The following GALNTL6 variants were observed in gnomAD, a reference collection of about 807,000 sequenced individuals.
The protein encoded by GALNTL6 is polypeptide N-acetylgalactosaminyltransferase-like 6.
GALNTL6 carries 46 observed loss-of-function variants against 73.7 expected under a neutral mutation model. The ratio of observed to expected loss-of-function variants is 0.62; its 90% CI spans 0.49 to 0.80. The LOEUF is 0.80. Ranked by LOEUF, GALNTL6 falls within the 30% of genes least tolerant of loss-of-function variation. The pLI is 0.00. For missense variants in GALNTL6, 604 were observed against 755.0 expected (o/e 0.80, Z 2.34); for synonymous variants, 259 against 263.7 (o/e 0.98, Z 0.17).
chr4:172,552,986 A>G lies in GALNTL6; in HGVS notation c.553+204297A>G, dbSNP rs374715046. Among the ~76,000 whole-genome samples, 22 of 152,230 alleles carry G rather than the reference A, an allele frequency of 1.4e-4. No homozygotes were observed. In the East Asian group the frequency reaches 1.7e-3, roughly 12 times the overall value. The stretch of plus-strand genomic sequence containing the variant: ...ATACACATCACCAAAGTGTATAGCT[A>G]TAGTGTATTTTATATACCCAAGTGT... On this transcript the variant is annotated intron_variant, in intron 5 of 12. Coordinates refer to ENST00000506823, the MANE Select transcript of GALNTL6 (RefSeq NM_001034845.3).
chr4:172,554,181 A>C (rs960351736), intron 5 of GALNTL6, among the ~76,000 whole-genome samples: 5 of 152,194 alleles, frequency 3.3e-5, no homozygotes, highest in South Asian at 4.1e-4. Flanking sequence ...TGACCCATGG[A>C]TTCTTTCAAT....
chr4:172,485,478 G>A (rs1733633630), intron 5 of GALNTL6, among the ~76,000 whole-genome samples: 1 of 151,982 alleles, frequency 6.6e-6, no homozygotes, highest in African/African-American at 2.4e-5. Flanking sequence ...ACACATCTAA[G>A]TATATGTTCT....
At chr4:172,273,828 C>T (rs1352377043) in intron 3 of GALNTL6, among the ~76,000 whole-genome samples, 1 of 152,138 alleles carries the variant, frequency 6.6e-6, no homozygotes, top group Non-Finnish European at 1.5e-5. Flanking sequence ...TTGAGCTTCT[C>T]CCGTGGGCAA....
intron 2 of GALNTL6, among the ~76,000 whole-genome samples, chr4:171,990,508 T>C (rs1740302513): frequency 6.6e-6 from 1 of 152,188 alleles, no homozygotes; most frequent in African/African-American, 2.4e-5. Flanking sequence ...ATTATTCTGA[T>C]ACTTTATATC....
intron 3 of GALNTL6, among the ~76,000 whole-genome samples, chr4:172,303,076 TACA>T (rs1739997733): frequency 6.6e-6 from 1 of 152,190 alleles, no homozygotes; most frequent in Admixed American, 6.5e-5. Context: ...TTTGGCTCAC[TACA>T]ACCTCTGCCG....
chr4:171,984,386 G>A (rs1411593344), intron 2 of GALNTL6, among the ~76,000 whole-genome samples: 1 of 152,178 alleles, frequency 6.6e-6, no homozygotes, highest in African/African-American at 2.4e-5. Context: ...AGGCATGAGA[G>A]GAAGTGAGCA....
At chr4:172,019,814 A>G (rs1436535688) in intron 2 of GALNTL6, among the ~76,000 whole-genome samples, 1 of 152,136 alleles carries the variant, frequency 6.6e-6, no homozygotes, top group African/African-American at 2.4e-5. Context: ...ATTATAGGCC[A>G]AGTGGACCTA....
chr4:171,931,246 A>G (rs1738175608), intron 2 of GALNTL6, among the ~76,000 whole-genome samples: 1 of 152,148 alleles, frequency 6.6e-6, no homozygotes, highest in Non-Finnish European at 1.5e-5. Context: ...CAGTGGTGCA[A>G]TCATGGCTCA....
chr4:172,516,076 C>T (rs1734598577), intron 5 of GALNTL6, among the ~76,000 whole-genome samples: 1 of 152,082 alleles, frequency 6.6e-6, no homozygotes, highest in Non-Finnish European at 1.5e-5. Flanking sequence ...TTTCAAGTAC[C>T]CAGTACCTTT....
chr4:172,388,298 C>A (rs970742134), intron 5 of GALNTL6, among the ~76,000 whole-genome samples: 2 of 152,064 alleles, frequency 1.3e-5, no homozygotes, highest in African/African-American at 4.8e-5. Context: ...TTTAGAAATA[C>A]CATACATTGG....
intron 2 of GALNTL6, among the ~76,000 whole-genome samples, chr4:172,087,007 T>C (rs555437023): frequency 6.6e-6 from 1 of 152,332 alleles, no homozygotes; most frequent in African/African-American, 2.4e-5. Flanking sequence ...TGTCTCCTGC[T>C]ACCTTCCAGT....
intron 5 of GALNTL6, among the ~76,000 whole-genome samples, chr4:172,402,057 TCTTA>T (rs1277209495): frequency 6.6e-6 from 1 of 151,904 alleles, no homozygotes; most frequent in African/African-American, 2.4e-5. Context: ...TCACCATACT[TCTTA>T]CTTAGTTTAA....
At chr4:172,123,724 C>A (rs765863486) in intron 2 of GALNTL6, among the ~76,000 whole-genome samples, 8 of 151,984 alleles carry the variant, frequency 5.3e-5, no homozygotes, top group Non-Finnish European at 1.2e-4. Context: ...TGGTCTTGAT[C>A]TCTTGACCTC....
chr4:172,788,085 C>T lies in GALNTL6; in HGVS notation c.554-21276C>T, dbSNP rs184603221. Among the ~76,000 whole-genome samples, 386 of 152,158 alleles carry T rather than the reference C, an allele frequency of 2.5e-3. 1 individual carries two copies. Among genetic ancestry groups the T allele is most frequent in the Non-Finnish European group, 3.4e-3 (231 of 67,992 alleles). ...AGCAGGCTGGGCATGGTGGTGCATGCCTGTAATCCCAACACTTTGTTAGGT... is the reference window on the plus strand; with the variant it reads ...AGCAGGCTGGGCATGGTGGTGCATGTCTGTAATCCCAACACTTTGTTAGGT... On this transcript the variant is annotated intron_variant, in intron 5 of 12. Transcript: ENST00000506823.
intron 2 of GALNTL6, among the ~76,000 whole-genome samples, chr4:172,205,379 C>A (rs981672197): frequency 1.3e-5 from 2 of 152,148 alleles, no homozygotes; most frequent in African/African-American, 4.8e-5. Context: ...CAAAGATGAA[C>A]TTTACATAGA....
intron 5 of GALNTL6, among the ~76,000 whole-genome samples, chr4:172,360,073 T>C (rs1039301375): frequency 6.6e-6 from 1 of 152,220 alleles, no homozygotes; most frequent in Non-Finnish European, 1.5e-5. Context: ...CTTAAGACCA[T>C]AGGTGACATG....
chr4:172,594,241 G>T (rs1245509147), intron 5 of GALNTL6, among the ~76,000 whole-genome samples: 1 of 152,104 alleles, frequency 6.6e-6, no homozygotes, highest in Non-Finnish European at 1.5e-5. Flanking sequence ...AGCTACTCGG[G>T]AGGCTGAGGC....
At chr4:172,056,918 T>A (rs894053196) in intron 2 of GALNTL6, among the ~76,000 whole-genome samples, 5 of 152,078 alleles carry the variant, frequency 3.3e-5, no homozygotes, top group African/African-American at 1.2e-4. Flanking sequence ...TTAAAAACAT[T>A]ACAAATATTT....
rs17058748 is a variant in GALNTL6, at chr4:172,689,270, G to C, written c.554-120091G>C. Among the ~76,000 whole-genome samples, 681 of 152,234 alleles carry C rather than the reference G, an allele frequency of 4.5e-3. 14 individuals carry two copies. In the East Asian group the frequency reaches 0.076, roughly 17 times the overall value. On this transcript the variant is annotated intron_variant, in intron 5 of 12. Transcript: ENST00000506823. The stretch of plus-strand genomic sequence containing the variant: ...AAAAAGGTAGACTGTACAATATAGT[G>C]AAAGTAGAATTGGATACGGAGTTAA...
Sources: allele counts gnomAD v4.1 joint callset (sites outside exome capture counted in the v4.1 genomes callset), GRCh38; gene constraint gnomAD v4.1.1; transcripts MANE v1.5; gene names NCBI Gene and HGNC (gene_info 2026-07-23, HGNC 2026-07-21).